SEMA5A: variants seen among roughly 807,000 people sequenced by gnomAD.
The protein encoded by SEMA5A is semaphorin 5A, also known as semaphorin-5A.
SEMA5A carries 55 observed loss-of-function variants against 135.5 expected under a neutral mutation model. The observed-to-expected ratio is 0.41, with a 90% CI of 0.33 to 0.51. The LOEUF (loss-of-function observed/expected upper bound fraction) is 0.51, where lower values mean the gene tolerates loss of function less well. SEMA5A is among the 20% of genes least tolerant of loss of function. The pLI is 0.37. For missense variants in SEMA5A, 1,290 were observed against 1,419.9 expected (o/e 0.91, Z 1.47); for synonymous variants, 580 against 546.5 (o/e 1.06, Z -0.85).
intron 1 of SEMA5A, chr5:9,522,644 AC>A (rs1174315382): frequency 2.0e-5 from 3 of 152,196 alleles, no homozygotes; most frequent in Non-Finnish European, 4.4e-5. Flanking sequence ...TATGTGTTTA[AC>A]TCCACGCCCT....
At chr5:9,445,017 A>AGCGACCTGGAT (rs1758378611) in intron 1 of SEMA5A, among the ~76,000 whole-genome samples, 2 of 152,242 alleles carry the variant, frequency 1.3e-5, no homozygotes, top group Admixed American at 6.5e-5. Context: ...ATAAATGCAC[A>AGCGACCTGGAT]GAGAAAGAAA....
intron 16 of SEMA5A, among the ~76,000 whole-genome samples, chr5:9,089,020 A>G (rs115114685): frequency 0.027 from 4,108 of 152,188 alleles, 204 homozygotes; most frequent in African/African-American, 0.094. Context: ...TTACCTGAAA[A>G]CACTACTCCT....
rs533993858 is a variant in SEMA5A, at chr5:9,069,841, T to G, written c.2074-3195A>C. Among the ~76,000 whole-genome samples, 6 of 152,310 alleles carry G rather than the reference T, an allele frequency of 3.9e-5. No individual in the cohort carries two copies. The East Asian group carries it at 1.2e-3, about 29-fold the overall frequency. On this transcript the variant is annotated intron_variant, in intron 16 of 22. Coordinates refer to ENST00000382496, the MANE Select transcript of SEMA5A (RefSeq NM_003966.3). ...AATGAAAAAGCCCCAATGAATGCCATAAACCCAGTCATGTGAAAAGCCAGG... is the reference window on the plus strand; with the variant it reads ...AATGAAAAAGCCCCAATGAATGCCAGAAACCCAGTCATGTGAAAAGCCAGG...
chr5:9,503,205 A>AT (rs1735684936), intron 1 of SEMA5A, among the ~76,000 whole-genome samples: 1 of 152,234 alleles, frequency 6.6e-6, no homozygotes, highest in African/African-American at 2.4e-5. Flanking sequence ...CTAGGTACGC[A>AT]TAAGAGGGGC....
At chr5:9,203,032 A>C (rs1290776706) in intron 8 of SEMA5A, among the ~76,000 whole-genome samples, 1 of 152,230 alleles carries the variant, frequency 6.6e-6, no homozygotes. Context: ...GATCTTCAGG[A>C]ATTTAGGAAA....
In SEMA5A at chr5:9,483,816, C is replaced by T. The variant is rs559297211; in HGVS notation, c.-174-45964G>A. Among the ~76,000 whole-genome samples, 18 of 152,064 alleles carry T rather than the reference C, an allele frequency of 1.2e-4. No homozygotes were observed. The East Asian group carries it at 1.5e-3, about 13-fold the overall frequency. ...TGAGTGCAGTTTTAAAAAATAAATACGCAAAGCCTTGGGGGGAGGAGAAAA... is the reference window on the plus strand; with the variant it reads ...TGAGTGCAGTTTTAAAAAATAAATATGCAAAGCCTTGGGGGGAGGAGAAAA... On this transcript the variant is annotated intron_variant, in intron 1 of 22. Coordinates refer to ENST00000382496, the MANE Select transcript of SEMA5A (RefSeq NM_003966.3).
intron 2 of SEMA5A, among the ~76,000 whole-genome samples, chr5:9,394,606 G>A (rs1251100700): frequency 6.6e-6 from 1 of 152,150 alleles, no homozygotes; most frequent in Admixed American, 6.5e-5. Context: ...AGAAGCCCCA[G>A]GTTGATCTGG....
At chr5:9,107,507 T>C (rs1189631303) in intron 16 of SEMA5A, among the ~76,000 whole-genome samples, 2 of 152,104 alleles carry the variant, frequency 1.3e-5, no homozygotes, top group South Asian at 2.1e-4. Context: ...AGGCCTGATA[T>C]GGGGATATTA....
chr5:9,276,471 T>C (rs2150553602), intron 5 of SEMA5A, among the ~76,000 whole-genome samples: 1 of 152,302 alleles, frequency 6.6e-6, no homozygotes, highest in African/African-American at 2.4e-5. Context: ...TTAAATTTCA[T>C]ATGGAACCAA....
At chr5:9,088,954 C>T (rs930958067) in intron 16 of SEMA5A, among the ~76,000 whole-genome samples, 1 of 152,078 alleles carries the variant, frequency 6.6e-6, no homozygotes, top group Non-Finnish European at 1.5e-5. Flanking sequence ...TGGGTTCAGG[C>T]CTCCATGCTT....
Position 9,460,922 on chromosome 5 carries a change from T to C in SEMA5A, c.-174-23070A>G, listed in dbSNP as rs576788687. ...GTAGTTAAGCAAGTATCTATTTTGT[T>C]ATTTTTATGAAGAGTAAGCTGACAA... On this transcript the variant is annotated intron_variant, in intron 1 of 22. Transcript: ENST00000382496. Among the ~76,000 whole-genome samples, 4 of 152,352 alleles carry C rather than the reference T, an allele frequency of 2.6e-5. No individual in the cohort carries two copies. The South Asian group carries it at 8.3e-4, about 32-fold the overall frequency.
intron 3 of SEMA5A, among the ~76,000 whole-genome samples, chr5:9,341,223 C>CACAG (rs1186266073): frequency 4.0e-5 from 6 of 151,454 alleles, no homozygotes; most frequent in Non-Finnish European, 8.8e-5. Flanking sequence ...CACACACACA[C>CACAG]ACATACACTA....
At chr5:9,480,725 C>G in intron 1 of SEMA5A, among the ~76,000 whole-genome samples, 1 of 152,124 alleles carries the variant, frequency 6.6e-6, no homozygotes, top group East Asian at 1.9e-4. Flanking sequence ...TCACACAGAA[C>G]AGATCCATGC....
intron 16 of SEMA5A, 33 bp downstream of exon 16, chr5:9,108,107 T>C: frequency 1.2e-6 from 2 of 1,606,450 alleles, no homozygotes; most frequent in Non-Finnish European, 1.7e-6. Context: ...TGGTTCTGGA[T>C]TGTGGGCTGG....
chr5:9,125,164 A>G (rs1039239462), intron 13 of SEMA5A, among the ~76,000 whole-genome samples: 2 of 152,158 alleles, frequency 1.3e-5, no homozygotes, highest in Non-Finnish European at 2.9e-5. Context: ...GCCAAATCCA[A>G]TTGCTATAAT....
intron 1 of SEMA5A, among the ~76,000 whole-genome samples, chr5:9,462,101 T>C (rs1171744338): frequency 6.6e-6 from 1 of 152,176 alleles, no homozygotes; most frequent in Non-Finnish European, 1.5e-5. Context: ...ATACTCGAGT[T>C]CTAGAAGTAT....
intron 1 of SEMA5A, among the ~76,000 whole-genome samples, chr5:9,468,340 C>T (rs73036739): frequency 0.021 from 3,150 of 152,280 alleles, 118 homozygotes; most frequent in African/African-American, 0.07. Flanking sequence ...ACAAATCTTA[C>T]CCAGAGTGGG....
intron 3 of SEMA5A, among the ~76,000 whole-genome samples, chr5:9,378,809 T>A (rs1755473032): frequency 6.6e-6 from 1 of 152,222 alleles, no homozygotes; most frequent in African/African-American, 2.4e-5. Context: ...CTCAATGCCC[T>A]CTGGGTGCTT....
At chr5:9,217,875 C>T (rs1212171986) in intron 8 of SEMA5A, among the ~76,000 whole-genome samples, 2 of 152,192 alleles carry the variant, frequency 1.3e-5, no homozygotes, top group Non-Finnish European at 2.9e-5. Context: ...GCTATTCCTT[C>T]CTTCAGCTTC....
Sources: allele counts gnomAD v4.1 joint callset (sites outside exome capture counted in the v4.1 genomes callset), GRCh38; gene constraint gnomAD v4.1.1; transcripts MANE v1.5; gene names NCBI Gene and HGNC (gene_info 2026-07-23, HGNC 2026-07-21).